The following LY9 variants were observed in gnomAD, a reference collection of about 807,000 sequenced individuals.
LY9 encodes the protein T-lymphocyte surface antigen Ly-9.
Under a neutral mutation model 64.6 loss-of-function variants are expected in LY9, and 59 were observed. The ratio of observed to expected loss-of-function variants is 0.91; its 90% CI spans 0.74 to 1.13. The LOEUF (loss-of-function observed/expected upper bound fraction) is 1.13. LY9 is among the 50% of genes most tolerant of loss of function. The pLI, the probability that LY9 is intolerant of heterozygous loss-of-function variation, is 0.00. For missense variants in LY9, 789 were observed against 797.2 expected (o/e 0.99, Z 0.12); for synonymous variants, 281 against 308.5 (o/e 0.91, Z 0.93).
chr1:160,799,661 A>C (rs1283751352), intron 1 of LY9, 92 bp from the exon 2 acceptor site: 7 of 784,162 alleles, frequency 8.9e-6, no homozygotes, highest in Non-Finnish European at 1.5e-5. Flanking sequence ...AGCATCTGAC[A>C]TTTATGCCCA....
chr1:160,801,902 C>A, intron 2 of LY9: 1 of 1,613,704 alleles, frequency 6.2e-7, no homozygotes, highest in Non-Finnish European at 8.5e-7. Flanking sequence ...CACGTGTGAG[C>A]GTGCGGGAGG....
At chr1:160,803,632 T>C (rs971750796) in intron 2 of LY9, among the ~76,000 whole-genome samples, 3 of 152,230 alleles carry the variant, frequency 2.0e-5, no homozygotes, top group South Asian at 2.1e-4. Context: ...TGTACACTGA[T>C]TTCTATCCTG....
intron 2 of LY9, among the ~76,000 whole-genome samples, chr1:160,808,083 C>G (rs942874641): frequency 3.5e-4 from 54 of 152,262 alleles, no homozygotes; most frequent in African/African-American, 1.3e-3. Flanking sequence ...ATGCATCCCT[C>G]TCAGCCTCAG....
chr1:160,819,282 C>G (rs751441884), intron 6 of LY9, 39 bp from the exon 7 acceptor site: 17 of 1,542,892 alleles, frequency 1.1e-5, no homozygotes, highest in African/African-American at 1.4e-5. Context: ...TCTCACCTCA[C>G]AGCCCTCTTG....
intron 7 of LY9, among the ~76,000 whole-genome samples, chr1:160,820,524 G>A (rs535698615): frequency 1.3e-5 from 2 of 152,292 alleles, no homozygotes; most frequent in East Asian, 3.9e-4. Context: ...TGACGATATG[G>A]GCTCTTCTGA....
At position 160,825,011 on chromosome 1, in the gene LY9, T is replaced by C. The variant is rs1291929025; in HGVS notation, c.1899+762T>C. 1.6e-4 allele frequency among the ~76,000 whole-genome samples: 23 copies of C among 146,850 alleles called. 1 individual carries two copies. Among genetic ancestry groups the C allele is most frequent in the Admixed American group, 1.6e-3 (23 of 14,722 alleles). On this transcript the variant is annotated intron_variant, in intron 9 of 9. Transcript: ENST00000263285. ...AAAAAAAAAAAAAAAATTCCCAGCC[T>C]GGGCAACATGGTGAAACCCTGTCTT... is the stretch of plus-strand genomic sequence containing the variant.
intron 7 of LY9, among the ~76,000 whole-genome samples, chr1:160,819,836 A>G (rs1400490973): frequency 1.2e-4 from 13 of 109,266 alleles, no homozygotes; most frequent in South Asian, 3.3e-4. Context: ...AGAGAGAAAG[A>G]AAGGAAGGAA....
At chr1:160,797,570 C>T (rs775923579) in intron 1 of LY9, among the ~76,000 whole-genome samples, 4 of 152,298 alleles carry the variant, frequency 2.6e-5, no homozygotes, top group Non-Finnish European at 5.9e-5. Context: ...CAGTGAATTT[C>T]AAACAGTTCA....
intron 2 of LY9, 28 bp downstream of exon 2, chr1:160,800,110 G>C (rs1470198350): frequency 6.4e-7 from 1 of 1,555,838 alleles, no homozygotes; most frequent in East Asian, 2.3e-5. Flanking sequence ...TCTGTGTTTT[G>C]ATCTTTTCTT....
intron 9 of LY9, among the ~76,000 whole-genome samples, chr1:160,826,448 T>C (rs1370445195): frequency 6.6e-6 from 1 of 152,236 alleles, no homozygotes; most frequent in African/African-American, 2.4e-5. Context: ...ATTGGAACAC[T>C]AAGCGTGTAG....
chr1:160,801,746 G>C (rs1387289052), intron 2 of LY9: 2 of 1,435,338 alleles, frequency 1.4e-6, no homozygotes, highest in African/African-American at 2.8e-5. Context: ...GAGAAATAGG[G>C]GTTCAACTTC....
In LY9 at chr1:160,814,515, G is replaced by C; in HGVS notation, c.826G>C (p.Asp276His). The change falls in exon 4 of 10, where the codon GAC becomes CAC. Residue 276 changes from aspartate to histidine, a missense_variant. Asp to His is a moderately conservative substitution (Grantham distance 81, BLOSUM62 -1). Transcript: ENST00000263285. ...GCCACTTGCACTCCCAGCCTGCCGG[G>C]ACACAGAGAAGGTTGTCTGGTTGTT... The part of the protein sequence containing the change: ...TLPLALPACR[D>H]TEKVVWLFNT... The C allele has an allele frequency of 6.2e-7, 1 of 1,614,150 alleles. No individual in the cohort carries two copies. Among genetic ancestry groups the C allele is most frequent in the Non-Finnish European group, 8.5e-7 (1 of 1,180,030 alleles).
intron 4 of LY9, 125 bp downstream of exon 4, chr1:160,814,886 G>C: frequency 1.3e-6 from 1 of 741,860 alleles, no homozygotes. Context: ...AGACCACTAG[G>C]ACAGCTGTTC....
chr1:160,801,914 C>T (rs1438394259), intron 2 of LY9: 2 of 1,612,916 alleles, frequency 1.2e-6, no homozygotes. Context: ...TGCGGGAGGG[C>T]TAGGCCCTCG....
intron 7 of LY9, among the ~76,000 whole-genome samples, chr1:160,823,217 A>G (rs115386335): frequency 7.2e-4 from 110 of 152,346 alleles, no homozygotes; most frequent in African/African-American, 2.6e-3. Flanking sequence ...CCACAGGGCC[A>G]GAGAGTTGCT....
chr1:160,821,847 G>A (rs1668475534), intron 7 of LY9, among the ~76,000 whole-genome samples: 1 of 152,206 alleles, frequency 6.6e-6, no homozygotes, highest in South Asian at 2.1e-4. Context: ...TTGAGCAGCG[G>A]TTAAGAGCAT....
chr1:160,801,283 G>C (rs1666450795), intron 2 of LY9, among the ~76,000 whole-genome samples: 1 of 152,086 alleles, frequency 6.6e-6, no homozygotes, highest in South Asian at 2.1e-4. Flanking sequence ...ATCTCATTGT[G>C]ATTTTGATTT....
At chr1:160,799,531 T>G in intron 1 of LY9, 1 of 495,520 alleles carries the variant, frequency 2.0e-6, no homozygotes, top group Non-Finnish European at 3.6e-6. Flanking sequence ...CCAGAAGATC[T>G]GTTTCACAGA....
In LY9 at chr1:160,799,603, A is replaced by G. The variant is rs1359859196; in HGVS notation, c.125-150A>G. 27 of 606,804 alleles carry G rather than the reference A, an allele frequency of 4.4e-5. No individual in the cohort carries two copies. The East Asian group carries it at 6.6e-4, about 15-fold the overall frequency. The allele number at this position is 606,804 out of a possible 1,614,324, so 37.6% of individuals were successfully genotyped here. On this transcript the variant is annotated intron_variant, in intron 1 of 9. Coordinates refer to ENST00000263285, the MANE Select transcript of LY9 (RefSeq NM_002348.4). The stretch of plus-strand genomic sequence containing the variant: ...GAATGGAGGAATTAATGACTGTGCT[A>G]GGCAATTGACCTAGAAGAAGGAGGA...
Sources: allele counts gnomAD v4.1 joint callset (sites outside exome capture counted in the v4.1 genomes callset), GRCh38; gene constraint gnomAD v4.1.1; transcripts MANE v1.5; gene names NCBI Gene and HGNC (gene_info 2026-07-23, HGNC 2026-07-21).